Variants in ROBO2 observed in about 807,000 individuals in gnomAD.
ROBO2 encodes roundabout guidance receptor 2, also known as roundabout homolog 2.
A neutral mutation model predicts 160.8 loss-of-function variants in ROBO2; 53 were observed. That is an observed-to-expected ratio of 0.33 (90% confidence interval 0.26 to 0.41). The LOEUF is 0.41. ROBO2 is among the 10% of genes least tolerant of loss of function. ROBO2 has a pLI of 1.00. For missense variants in ROBO2, 1,577 were observed against 1,722.4 expected (o/e 0.92, Z 1.49); for synonymous variants, 664 against 611.7 (o/e 1.09, Z -1.26).
intron 2 of ROBO2, among the ~76,000 whole-genome samples, chr3:77,358,830 G>GCATA (rs1434859759): frequency 1.4e-4 from 21 of 152,172 alleles, no homozygotes; most frequent in Non-Finnish European, 2.5e-4. Context: ...ATTTAGAAGA[G>GCATA]CATATAGTAT....
chr3:76,822,214 C>T (rs2066181665), intron 2 of ROBO2, among the ~76,000 whole-genome samples: 6 of 151,972 alleles, frequency 3.9e-5, no homozygotes, highest in Admixed American at 3.9e-4. Context: ...TAATGTCTGT[C>T]TTTTCCATTA....
chr3:77,252,987 T>C (rs984309461), intron 2 of ROBO2, among the ~76,000 whole-genome samples: 1 of 151,328 alleles, frequency 6.6e-6, no homozygotes, highest in Non-Finnish European at 1.5e-5. Flanking sequence ...GAAAAAAATA[T>C]GGATGTCCCA....
At chr3:77,494,470 C>T (rs191920231) in intron 5 of ROBO2, among the ~76,000 whole-genome samples, 6 of 152,012 alleles carry the variant, frequency 3.9e-5, no homozygotes, top group African/African-American at 4.8e-5. Context: ...CCCAGCTACT[C>T]GGGAGGCTGA....
chr3:76,607,464 A>G (rs2087751338), intron 2 of ROBO2, among the ~76,000 whole-genome samples: 1 of 152,222 alleles, frequency 6.6e-6, no homozygotes, highest in Non-Finnish European at 1.5e-5. Context: ...ATAATATTTT[A>G]TGCTGAAATA....
At chr3:76,335,720 G>A (rs548432503) in intron 2 of ROBO2, among the ~76,000 whole-genome samples, 2 of 151,964 alleles carry the variant, frequency 1.3e-5, no homozygotes, top group Non-Finnish European at 2.9e-5. Context: ...TGGGACTACA[G>A]GCGCCGCCAC....
chr3:77,599,899 A>G (rs999586134), intron 19 of ROBO2, among the ~76,000 whole-genome samples: 2 of 152,174 alleles, frequency 1.3e-5, no homozygotes, highest in African/African-American at 4.8e-5. Flanking sequence ...TCTTCAAATG[A>G]CTTCGTGATA....
intron 2 of ROBO2, among the ~76,000 whole-genome samples, chr3:76,641,889 C>T (rs1470188259): frequency 6.6e-6 from 1 of 152,098 alleles, no homozygotes; most frequent in East Asian, 1.9e-4. Flanking sequence ...AGGCATGTAC[C>T]ACCATGCCTG....
At chr3:77,275,488 C>T (rs2059767637) in intron 2 of ROBO2, among the ~76,000 whole-genome samples, 1 of 152,266 alleles carries the variant, frequency 6.6e-6, no homozygotes, top group East Asian at 1.9e-4. Flanking sequence ...TCCAATTTCT[C>T]TCCCCAGTAT....
At chr3:76,671,618 A>G (rs1028720098) in intron 2 of ROBO2, among the ~76,000 whole-genome samples, 1 of 152,166 alleles carries the variant, frequency 6.6e-6, no homozygotes, top group Admixed American at 6.6e-5. Context: ...CAACATTGAG[A>G]TATGGGAGAG....
chr3:77,574,666 G>A (rs1415847149), exon 14 of ROBO2: 2 of 1,613,144 alleles, frequency 1.2e-6, no homozygotes, highest in Non-Finnish European at 1.7e-6. Flanking sequence ...TTAAAGTACG[G>A]CCATATTTTA....
chr3:77,313,177 T>C (rs1398322900), intron 2 of ROBO2, among the ~76,000 whole-genome samples: 1 of 152,188 alleles, frequency 6.6e-6, no homozygotes, highest in Non-Finnish European at 1.5e-5. Context: ...TCACTCAGGA[T>C]GGGTTAGAGA....
chr3:76,154,091 A>T (rs2072312944), intron 2 of ROBO2, among the ~76,000 whole-genome samples: 1 of 152,138 alleles, frequency 6.6e-6, no homozygotes, highest in African/African-American at 2.4e-5. Context: ...TGCTAAGTCA[A>T]AAGGAGATAA....
intron 24 of ROBO2, among the ~76,000 whole-genome samples, chr3:77,638,818 C>CTTTTTTTTT (rs34034420): frequency 3.9e-5 from 2 of 51,268 alleles, no homozygotes; most frequent in African/African-American, 8.1e-5. Flanking sequence ...TTTCACCTAG[C>CTTTTTTTTT]TTTTTTTTTT....
chr3:76,882,016 TTG>T (rs1027285749), intron 2 of ROBO2, among the ~76,000 whole-genome samples: 2 of 149,608 alleles, frequency 1.3e-5, no homozygotes, highest in Middle Eastern at 3.5e-3. Flanking sequence ...GGTAGTTTGG[TTG>T]TGTGTGTGTG....
chr3:75,935,723 A>C (rs78738455), intron 1 of ROBO2, among the ~76,000 whole-genome samples: 1 of 152,308 alleles, frequency 6.6e-6, no homozygotes, highest in Admixed American at 6.5e-5. Flanking sequence ...TTGAGCCTCC[A>C]TACACAAGAC....
chr3:76,839,983 C>T (rs899601155), intron 2 of ROBO2, among the ~76,000 whole-genome samples: 1 of 152,080 alleles, frequency 6.6e-6, no homozygotes, highest in South Asian at 2.1e-4. Context: ...TCTACTAATC[C>T]TTTAAATTCC....
intron 2 of ROBO2, among the ~76,000 whole-genome samples, chr3:76,565,992 A>C (rs2084495041): frequency 6.6e-6 from 1 of 152,164 alleles, no homozygotes; most frequent in African/African-American, 2.4e-5. Context: ...ACCAGCTGGC[A>C]CTGATCACTG....
chr3:76,980,901 T>C (rs2060064848), intron 2 of ROBO2, among the ~76,000 whole-genome samples: 1 of 152,192 alleles, frequency 6.6e-6, no homozygotes, highest in Non-Finnish European at 1.5e-5. Flanking sequence ...AAATTTGTCT[T>C]TTCTGGATAT....
At chr3:77,099,043 G>A (rs986201694) in intron 2 of ROBO2, among the ~76,000 whole-genome samples, 1 of 148,286 alleles carries the variant, frequency 6.7e-6, no homozygotes, top group African/African-American at 2.5e-5. Context: ...CTTTCTTTTG[G>A]TAAACAAAAT....
Sources: gnomAD v4.1 joint callset for allele counts (sites outside exome capture counted in the v4.1 genomes callset) on GRCh38, gnomAD v4.1.1 for gene constraint, MANE v1.5 for transcripts, NCBI Gene and HGNC (gene_info 2026-07-23, HGNC 2026-07-21) for gene names.